The following APBB2 variants were observed in gnomAD, a reference collection of about 807,000 sequenced individuals.
APBB2 encodes Fe65-like 1.
In APBB2, 38 loss-of-function variants were observed where a neutral mutation model predicts 82.5. The observed-to-expected ratio is 0.46, with a 90% CI of 0.36 to 0.60. The LOEUF (loss-of-function observed/expected upper bound fraction) is 0.60, where lower values mean the gene tolerates loss of function less well. APBB2 is among the 20% of genes least tolerant of loss of function. The pLI, the probability that APBB2 is intolerant of heterozygous loss-of-function variation, is 0.00. For synonymous variants in APBB2, 341 were observed against 368.2 expected (o/e 0.93, Z 0.85); for missense variants, 772 against 972.3 (o/e 0.79, Z 2.74).
chr4:41,208,251 C>A (rs978671234), intron 1 of APBB2, among the ~76,000 whole-genome samples: 1 of 152,140 alleles, frequency 6.6e-6, no homozygotes, highest in African/African-American at 2.4e-5. Context: ...CCTTCTACCT[C>A]GATTCCAATA....
At chr4:41,029,499 G>A (rs1178045468) in intron 5 of APBB2, among the ~76,000 whole-genome samples, 1 of 152,158 alleles carries the variant, frequency 6.6e-6, no homozygotes, top group East Asian at 1.9e-4. Context: ...TTACCCACTT[G>A]AGGGTTTCTT....
intron 6 of APBB2, among the ~76,000 whole-genome samples, chr4:40,977,863 T>G (rs1578911061): frequency 6.6e-6 from 1 of 152,124 alleles, no homozygotes; most frequent in Admixed American, 6.5e-5. Flanking sequence ...ATAAAACAAA[T>G]GTGCACAGGA....
rs1231819729 is a variant in APBB2, at chr4:40,814,205, T to A, written c.*1887A>T. The A allele has an allele frequency of 6.6e-6, 1 of 152,182 alleles. No individual in the cohort carries two copies. Among genetic ancestry groups the A allele is most frequent in the African/African-American group, 2.4e-5 (1 of 41,452 alleles). 9.4% of individuals were successfully genotyped at this position (152,182 alleles called of 1,614,324 possible). A position where few individuals can be genotyped will look rare whatever the true frequency, so the allele number is the denominator to read the frequency against. Reference sequence around the variant, plus strand: ...AGAATCCTGCCCTCTACAACACTTTTGAGGCACGCTGTAGGAAAACAGTCC... The same window carrying A: ...AGAATCCTGCCCTCTACAACACTTTAGAGGCACGCTGTAGGAAAACAGTCC... On this transcript the variant is annotated 3_prime_UTR_variant, in exon 18 of 18. Transcript: ENST00000508593.
chr4:41,150,578 C>T (rs913205528), intron 1 of APBB2, among the ~76,000 whole-genome samples: 2 of 152,172 alleles, frequency 1.3e-5, no homozygotes, highest in African/African-American at 4.8e-5. Context: ...ATATTACTGC[C>T]CTCATGAAGC....
chr4:40,825,208 G>A (rs2246013), intron 15 of APBB2, among the ~76,000 whole-genome samples: 35,555 of 152,174 alleles, frequency 0.23, 4,693 homozygotes, highest in Non-Finnish European at 0.3. Flanking sequence ...ATGCACAAAC[G>A]TTTTCACTTC....
chr4:41,045,376 C>G (rs1035978217), intron 4 of APBB2, among the ~76,000 whole-genome samples: 6 of 152,130 alleles, frequency 3.9e-5, no homozygotes, highest in Non-Finnish European at 7.3e-5. Flanking sequence ...TCACTGCAAG[C>G]TCCGCCTCCC....
chr4:41,150,036 T>C (rs1761837055), intron 1 of APBB2, among the ~76,000 whole-genome samples: 1 of 152,218 alleles, frequency 6.6e-6, no homozygotes, highest in Admixed American at 6.5e-5. Context: ...AATGGACTAA[T>C]ACACTGGGGT....
chr4:41,088,855 A>G (rs1199331799), intron 3 of APBB2, among the ~76,000 whole-genome samples: 1 of 152,198 alleles, frequency 6.6e-6, no homozygotes, highest in South Asian at 2.1e-4. Flanking sequence ...GTCCCCAAAG[A>G]GCTGGTCCCC....
intron 3 of APBB2, among the ~76,000 whole-genome samples, chr4:41,087,782 T>G (rs1740302286): frequency 6.6e-6 from 1 of 152,136 alleles, no homozygotes; most frequent in Non-Finnish European, 1.5e-5. Flanking sequence ...AGGCCTACAG[T>G]GGGACATTTT....
At chr4:40,890,036 A>C (rs1002698404) in intron 12 of APBB2, among the ~76,000 whole-genome samples, 2 of 152,172 alleles carry the variant, frequency 1.3e-5, no homozygotes, top group Non-Finnish European at 2.9e-5. Flanking sequence ...TTTTAAAAAG[A>C]CTGCAGAGAG....
At chr4:40,853,658 T>C (rs1436362888) in intron 12 of APBB2, among the ~76,000 whole-genome samples, 1 of 151,826 alleles carries the variant, frequency 6.6e-6, no homozygotes, top group Non-Finnish European at 1.5e-5. Flanking sequence ...GGTTTCACCA[T>C]GTTGGTCAGG....
intron 12 of APBB2, among the ~76,000 whole-genome samples, chr4:40,889,112 C>A (rs559384944): frequency 2.0e-5 from 3 of 152,242 alleles, no homozygotes; most frequent in South Asian, 4.1e-4. Context: ...GCCCAGCTGT[C>A]ATCATTCATC....
In APBB2 at chr4:40,812,122, G is replaced by A. The variant is rs151302289; in HGVS notation, c.*3970C>T. On this transcript the variant is annotated 3_prime_UTR_variant, in exon 18 of 18. Transcript: ENST00000508593. ...ACAGGGTGATTACTCAAAATTTGAA[G>A]TTACTTCCTAGTTCTTACCAGGCAG... is the stretch of plus-strand genomic sequence containing the variant. 47 of 152,288 alleles carry A rather than the reference G, an allele frequency of 3.1e-4. No homozygotes were observed. Among genetic ancestry groups the A allele is most frequent in the African/African-American group, 1.1e-3 (44 of 41,540 alleles). 9.4% of individuals were successfully genotyped at this position (152,288 alleles called of 1,614,324 possible).
chr4:40,893,372 C>T lies in APBB2; in HGVS notation c.1294G>A (p.Glu432Lys). ...CTTTTACCGGGGGCGAGGTCCTCTT[C>T]TGCCATCTCTACCCATCCCAGAGAA... Reference protein sequence around the residue: ...VRSLGWVEMAEEDLAPGKSSV... With the variant: ...VRSLGWVEMAKEDLAPGKSSV... Residue 432 changes from glutamate (E) to lysine (K), a missense_variant, in exon 11 of 18, where the codon GAA becomes AAA. Glu to Lys is a moderately conservative substitution (Grantham distance 56). Transcript: ENST00000508593. The T allele has an allele frequency of 6.2e-7, 1 of 1,613,728 alleles. No individual in the cohort carries two copies. Among genetic ancestry groups the T allele is most frequent in the Non-Finnish European group, 8.5e-7 (1 of 1,179,838 alleles).
At chr4:41,119,946 C>T (rs17442958) in intron 2 of APBB2, among the ~76,000 whole-genome samples, 10,949 of 152,184 alleles carry the variant, frequency 0.072, 539 homozygotes, top group Non-Finnish European at 0.1. Flanking sequence ...TAATAAGTAA[C>T]AGCATTCGGG....
intron 10 of APBB2, among the ~76,000 whole-genome samples, chr4:40,903,586 A>G (rs754332260): frequency 5.9e-5 from 9 of 152,058 alleles, no homozygotes; most frequent in Admixed American, 3.3e-4. Context: ...TGTCAGGGGG[A>G]ATTAAAGGAG....
intron 2 of APBB2, among the ~76,000 whole-genome samples, chr4:41,101,301 A>G (rs2153968874): frequency 6.7e-6 from 1 of 150,124 alleles, no homozygotes; most frequent in South Asian, 2.2e-4. Flanking sequence ...CGTCTCTACT[A>G]AAAATACAAA....
intron 6 of APBB2, among the ~76,000 whole-genome samples, chr4:40,974,411 G>A (rs1796664836): frequency 6.6e-6 from 1 of 152,158 alleles, no homozygotes; most frequent in African/African-American, 2.4e-5. Flanking sequence ...TTAGCCCAGG[G>A]CCAAGGACAC....
intron 1 of APBB2, among the ~76,000 whole-genome samples, chr4:41,202,681 T>C (rs145599220): frequency 1.6e-3 from 247 of 152,326 alleles, no homozygotes; most frequent in Admixed American, 4.3e-3. Flanking sequence ...AAATGATGTA[T>C]CTCTGAGCAT....
Sources: gnomAD v4.1 joint callset for allele counts (sites outside exome capture counted in the v4.1 genomes callset) on GRCh38, gnomAD v4.1.1 for gene constraint, MANE v1.5 for transcripts, NCBI Gene and HGNC (gene_info 2026-07-23, HGNC 2026-07-21) for gene names.